Variants in MSRA observed in about 807,000 individuals in gnomAD.
The protein encoded by MSRA is mitochondrial peptide methionine sulfoxide reductase.
MSRA carries 54 observed loss-of-function variants against 31.3 expected under a neutral mutation model. That is an observed-to-expected ratio of 1.73 (90% CI 1.39 to 2.17). The LOEUF (loss-of-function observed/expected upper bound fraction) is 2.17. MSRA is among the 30% of genes most tolerant of loss of function. The pLI is 0.00. For missense variants in MSRA, 507 were observed against 300.9 expected (o/e 1.69, Z -5.07); for synonymous variants, 169 against 116.5 (o/e 1.45, Z -2.90).
At chr8:10,237,186 A>C (rs1205921030) in intron 2 of MSRA, among the ~76,000 whole-genome samples, 1 of 152,226 alleles carries the variant, frequency 6.6e-6, no homozygotes, top group African/African-American at 2.4e-5. Flanking sequence ...AGAGGAAACA[A>C]TACTGAAGTT....
chr8:10,212,215 C>A (rs1459162633), intron 2 of MSRA, among the ~76,000 whole-genome samples: 1 of 151,826 alleles, frequency 6.6e-6, no homozygotes, highest in Admixed American at 6.6e-5. Context: ...ACTTTACTAT[C>A]TTTGAACATA....
At chr8:10,417,166 C>T (rs1264457343) in intron 5 of MSRA, among the ~76,000 whole-genome samples, 4 of 152,172 alleles carry the variant, frequency 2.6e-5, no homozygotes, top group African/African-American at 9.7e-5. Flanking sequence ...ACCTCTTTCT[C>T]TCCTTTCCCT....
At chr8:10,413,386 A>G (rs1282009819) in intron 5 of MSRA, among the ~76,000 whole-genome samples, 3 of 152,220 alleles carry the variant, frequency 2.0e-5, no homozygotes, top group Non-Finnish European at 4.4e-5. Context: ...TTAGTCCAAG[A>G]AAGTCACTGA....
intron 5 of MSRA, among the ~76,000 whole-genome samples, chr8:10,361,589 A>T (rs1247415545): frequency 6.6e-6 from 1 of 152,198 alleles, no homozygotes; most frequent in Non-Finnish European, 1.5e-5. Flanking sequence ...GGATGTAAAC[A>T]CAAGCCATTA....
intron 1 of MSRA, 151 bp downstream of exon 1, chr8:10,054,809 G>A (rs987904932): frequency 3.7e-6 from 3 of 821,590 alleles, no homozygotes; most frequent in Non-Finnish European, 4.9e-6. Flanking sequence ...AAGGGGCGCC[G>A]GCAGTGGCCG....
At chr8:10,361,769 T>C (rs995646086) in intron 5 of MSRA, among the ~76,000 whole-genome samples, 4 of 152,128 alleles carry the variant, frequency 2.6e-5, no homozygotes, top group African/African-American at 9.7e-5. Context: ...CTTAAGAAAA[T>C]CACTTAATAA....
rs539386952 is a variant in MSRA, at chr8:10,245,277, A to G, written c.331+54A>G. 9.3e-5 allele frequency: 144 copies of G among 1,543,580 alleles called. No individual in the cohort carries two copies. In the South Asian group the frequency reaches 1.1e-3, roughly 12 times the overall value. On this transcript the variant is annotated intron_variant, in intron 3 of 5. Coordinates refer to ENST00000317173, the MANE Select transcript of MSRA (RefSeq NM_012331.5). ...TAGGAGAAACAAGGGAGGGCTTGTC[A>G]CTACTGTTGGGTGACAGGCTCTTTA...
chr8:10,243,228 T>C (rs1245024486), intron 2 of MSRA, among the ~76,000 whole-genome samples: 1 of 152,126 alleles, frequency 6.6e-6, no homozygotes, highest in Non-Finnish European at 1.5e-5. Context: ...AGAAATATTT[T>C]ATTCAACAAA....
At chr8:10,309,959 A>G (rs1801346930) in intron 4 of MSRA, among the ~76,000 whole-genome samples, 1 of 152,198 alleles carries the variant, frequency 6.6e-6, no homozygotes, top group Non-Finnish European at 1.5e-5. Flanking sequence ...CTACTGGGAA[A>G]CATTCATTGA....
intron 5 of MSRA, among the ~76,000 whole-genome samples, chr8:10,413,986 G>A (rs1287061964): frequency 6.6e-6 from 1 of 152,042 alleles, no homozygotes; most frequent in Non-Finnish European, 1.5e-5. Flanking sequence ...GCAACATAGC[G>A]AGACCCCATC....
At chr8:10,334,633 T>C (rs1802913424) in intron 5 of MSRA, among the ~76,000 whole-genome samples, 1 of 152,166 alleles carries the variant, frequency 6.6e-6, no homozygotes, top group Non-Finnish European at 1.5e-5. Context: ...GAGGCAATGT[T>C]CATTTAACGC....
rs577432975 is a variant in MSRA at position 10,233,320 on chromosome 8, C to T, written c.212-11784C>T. Among the ~76,000 whole-genome samples the T allele has an allele frequency of 3.3e-5, 5 of 152,270 alleles. No individual in the cohort carries two copies. In the East Asian group the frequency reaches 9.6e-4, roughly 29 times the overall value. ...TGTGTGTGCAACTGTGAAAATGAGC[C>T]TGCAAACTCAAATTCTAAAGAATAT... On this transcript the variant is annotated intron_variant, in intron 2 of 5. Coordinates refer to ENST00000317173, the MANE Select transcript of MSRA (RefSeq NM_012331.5).
chr8:10,221,322 A>T (rs1433069488), intron 2 of MSRA, among the ~76,000 whole-genome samples: 1 of 152,120 alleles, frequency 6.6e-6, no homozygotes, highest in Non-Finnish European at 1.5e-5. Context: ...CCCATGTAAG[A>T]CATTTTTAAT....
intron 1 of MSRA, among the ~76,000 whole-genome samples, chr8:10,088,081 G>T (rs190558780): frequency 3.8e-4 from 58 of 152,278 alleles, no homozygotes; most frequent in African/African-American, 1.3e-3. Context: ...TTGGAAGGAA[G>T]TTTGAAAAAC....
At chr8:10,325,517 T>C (rs1476712795) in intron 5 of MSRA, among the ~76,000 whole-genome samples, 1 of 152,208 alleles carries the variant, frequency 6.6e-6, no homozygotes, top group Non-Finnish European at 1.5e-5. Context: ...CTCTATGTCT[T>C]TATATAAAGT....
chr8:10,191,209 A>G (rs776361096), intron 1 of MSRA, among the ~76,000 whole-genome samples: 3 of 152,188 alleles, frequency 2.0e-5, no homozygotes, highest in East Asian at 3.8e-4. Context: ...ATTTTACTAT[A>G]GACATCATTA....
At chr8:10,184,801 C>G (rs1451566412) in intron 1 of MSRA, among the ~76,000 whole-genome samples, 1 of 152,166 alleles carries the variant, frequency 6.6e-6, no homozygotes, top group Non-Finnish European at 1.5e-5. Context: ...GTATAACTGA[C>G]AACTGTATGC....
intron 1 of MSRA, among the ~76,000 whole-genome samples, chr8:10,199,953 A>G (rs2129056801): frequency 6.6e-6 from 1 of 152,284 alleles, no homozygotes; most frequent in Admixed American, 6.5e-5. Flanking sequence ...GCCTCTAGGT[A>G]CCAGCTTATG....
intron 1 of MSRA, among the ~76,000 whole-genome samples, chr8:10,182,784 G>C (rs1353855013): frequency 3.3e-5 from 5 of 152,132 alleles, no homozygotes; most frequent in African/African-American, 7.2e-5. Context: ...ATGGCAGCCT[G>C]CTTCATCAAA....
Sources: gnomAD v4.1 joint callset for allele counts (sites outside exome capture counted in the v4.1 genomes callset) on GRCh38, gnomAD v4.1.1 for gene constraint, MANE v1.5 for transcripts, NCBI Gene and HGNC (gene_info 2026-07-23, HGNC 2026-07-21) for gene names.